The following SPTBN4 variants were observed in gnomAD, a reference collection of about 807,000 sequenced individuals.
SPTBN4 encodes the protein spectrin beta, non-erythrocytic 4, also known as spectrin beta chain, non-erythrocytic 4.
A neutral mutation model predicts 277.8 loss-of-function variants in SPTBN4; 96 were observed. The ratio of observed to expected loss-of-function variants is 0.35; its 90% CI spans 0.29 to 0.41. The LOEUF (loss-of-function observed/expected upper bound fraction) is 0.41, where lower values mean the gene tolerates loss of function less well. SPTBN4 is among the 10% of genes least tolerant of loss of function. SPTBN4 has a pLI of 1.00. For missense variants in SPTBN4, 3,006 were observed against 3,595.7 expected, an observed-to-expected ratio of 0.84 and a Z score of 4.19; for synonymous variants, 1,481 against 1,580.3, an observed-to-expected ratio of 0.94 and a Z score of 1.49.
At position 40,572,185 on chromosome 19, in the gene SPTBN4, A is replaced by G. The variant is rs1568383504; in HGVS notation, c.7486A>G (p.Lys2496Glu). ...CTACAAGAAAAAGAAGCATGTCTTCAAGCTCCAGTGAGCCCCCCAATGGGC... is the reference window on the plus strand; with the variant it reads ...CTACAAGAAAAAGAAGCATGTCTTCGAGCTCCAGTGAGCCCCCCAATGGGC... ...SDYKKKKHVF[K>E]LQTQDGSEFL... Residue 2496 changes from lysine to glutamate, a missense_variant, in exon 34 of 36, where the codon AAG (lysine) becomes GAG (glutamate). Physicochemically the swap from Lys to Glu is moderately conservative, Grantham distance 56. Around this residue, in one of 5 missense-constraint regions of SPTBN4, gnomAD observed 630 missense variants for 677.6 expected, o/e 0.93. Transcript: ENST00000598249. 3.8e-6 allele frequency: 6 copies of G among 1,597,822 alleles called. No homozygotes were observed. The highest frequency in any genetic ancestry group is 1.3e-5 in the African/African-American group (1 of 74,528).
At chr19:40,529,667 CG>C (rs2080640306) in intron 18 of SPTBN4, among the ~76,000 whole-genome samples, 1 of 152,184 alleles carries the variant, frequency 6.6e-6, no homozygotes, top group Non-Finnish European at 1.5e-5. Context: ...TTATTAGTGA[CG>C]GTTCAGGAGA....
intron 2 of SPTBN4, among the ~76,000 whole-genome samples, chr19:40,483,861 G>A (rs1281050740): frequency 6.6e-6 from 1 of 152,116 alleles, no homozygotes; most frequent in Non-Finnish European, 1.5e-5. Context: ...GTGACTTCTC[G>A]AGGTCATCTC....
At chr19:40,544,591 G>A (rs550763911) in intron 20 of SPTBN4, among the ~76,000 whole-genome samples, 1 of 151,730 alleles carries the variant, frequency 6.6e-6, no homozygotes, top group East Asian at 1.9e-4. Flanking sequence ...GGGATTACAG[G>A]TGTCTGCCAT....
chr19:40,567,697 C>A lies in SPTBN4; in HGVS notation c.6371C>A (p.Pro2124Gln). The A allele has an allele frequency of 6.4e-7, 1 of 1,552,250 alleles. No individual in the cohort carries two copies. Among genetic ancestry groups the A allele is most frequent in the South Asian group, 1.2e-5 (1 of 84,528 alleles). The change falls in exon 31 of 36, where the codon CCG becomes CAG. Residue 2124 changes from proline to glutamine, a missense_variant. Coordinates refer to ENST00000598249, the MANE Select transcript of SPTBN4 (RefSeq NM_020971.3). ...ATCAAAGCGGAACAGAGCAAGCAGC[C>A]GCCTACCCCACTGCTGGGGCGCAAG... is the stretch of plus-strand genomic sequence containing the variant. ...EKIKAEQSKQ[P>Q]PTPLLGRKFF...
rs747348819 is a variant in SPTBN4, at chr19:40,513,107, G to A, written c.2318G>A (p.Arg773Gln). ...ARRERRLQEA[R>Q]ALHQFGADLD... ...CGAGAGCGGCGGCTGCAGGAGGCGC[G>A]GGCGCTGCACCAGTTCGGCGCTGAC... The change falls in exon 14 of 36, where the codon CGG becomes CAG. Residue 773 changes from arginine (R) to glutamine (Q), a missense_variant. Physicochemically the swap from Arg to Gln is conservative, Grantham distance 43. This residue lies in a region of SPTBN4 where 1,759 missense variants were observed against 2,061.5 expected (regional missense o/e 0.85). Transcript: ENST00000598249. 7 of 1,439,892 alleles carry A rather than the reference G, an allele frequency of 4.9e-6. No individual in the cohort carries two copies. The South Asian group carries it at 6.9e-5, about 14-fold the overall frequency. 89.2% of individuals were successfully genotyped at this position (1,439,892 alleles called of 1,614,324 possible). A position where few individuals can be genotyped will look rare whatever the true frequency, so the allele number is the denominator to read the frequency against.
chr19:40,524,777 A>C, intron 17 of SPTBN4: 1 of 362,640 alleles, frequency 2.8e-6, no homozygotes, highest in Non-Finnish European at 5.5e-6. Flanking sequence ...CATCTCTTGA[A>C]CCTCATTGTT....
At chr19:40,531,461 T>A (rs374956823) in intron 18 of SPTBN4, among the ~76,000 whole-genome samples, 1,981 of 106,228 alleles carry the variant, frequency 0.019, 53 homozygotes, top group African/African-American at 0.073. Flanking sequence ...GAGTCCAGTG[T>A]TTGTTTTTTT....
chr19:40,551,399 T>TCA (rs71173651), intron 22 of SPTBN4, among the ~76,000 whole-genome samples: 1,680 of 140,570 alleles, frequency 0.012, 25 homozygotes, highest in Middle Eastern at 0.033. Flanking sequence ...TCTCTCTCTC[T>TCA]CACACACACA....
rs764530043 is a variant in SPTBN4 at position 40,568,067 on chromosome 19, G to A, written c.6741G>A (p.Arg2247=). 6.4e-7 allele frequency: 1 copy of A among 1,559,326 alleles called. No homozygotes were observed. Among genetic ancestry groups the A allele is most frequent in the South Asian group, 1.2e-5 (1 of 84,674 alleles). Residue 2247 remains arginine (R), a synonymous_variant, in exon 31 of 36, where the codon CGG becomes CGA. Coordinates refer to ENST00000598249, the MANE Select transcript of SPTBN4 (RefSeq NM_020971.3). ...GCGCGGAGGAGCTGCCCAGGAGGCG[G>A]CGGCCTGAGCGGCAAGAGTCAGTCG... The part of the protein sequence containing the change: ...ADRAEELPRR[R]RPERQESVDQ...
chr19:40,495,310 G>A (rs2080184186), intron 6 of SPTBN4, among the ~76,000 whole-genome samples: 2 of 152,080 alleles, frequency 1.3e-5, no homozygotes, highest in African/African-American at 2.4e-5. Flanking sequence ...CCCTGTCACT[G>A]TCATGCTGCT....
chr19:40,568,137 G>A lies in SPTBN4; in HGVS notation c.6811G>A (p.Glu2271Lys), dbSNP rs1251845751. 2 of 1,577,184 alleles carry A rather than the reference G, an allele frequency of 1.3e-6. No individual in the cohort carries two copies. The highest frequency in any genetic ancestry group is 8.6e-7 in the Non-Finnish European group (1 of 1,162,212). The change falls in exon 31 of 36, where the codon GAG becomes AAG. Residue 2271 changes from glutamate to lysine, a missense_variant. Transcript: ENST00000598249. ...AARRRRPERQ[E>K]SAEHEAAHSL... is the part of the protein sequence containing the mutation. ...GCGGAGGCGGCGGCCGGAGCGGCAG[G>A]AGTCAGCGGAGCACGAGGCGGCACA...
chr19:40,554,258 C>A lies in SPTBN4; in HGVS notation c.4786C>A (p.Leu1596Met). The A allele has an allele frequency of 6.5e-7, 1 of 1,531,694 alleles. No homozygotes were observed. Among genetic ancestry groups the A allele is most frequent in the Non-Finnish European group, 8.7e-7 (1 of 1,145,734 alleles). The allele number at this position is 1,531,694 out of a possible 1,614,324, so 94.9% of individuals were successfully genotyped here. The change falls in exon 23 of 36, where the codon CTG (leucine) becomes ATG (methionine). Residue 1596 changes from leucine to methionine, a missense_variant. This residue lies in a region of SPTBN4 where 1,759 missense variants were observed against 2,061.5 expected (regional missense o/e 0.85). Transcript: ENST00000598249. The surrounding 1 kb of genome is among the most constrained non-coding windows in gnomAD (Gnocchi z 5.7). The part of the protein sequence containing the change: ...SPEAEAVRRG[L>M]EQLQSAWAGL... ...GGAGGCAGAGGCAGTGCGCCGGGGC[C>A]TGGAGCAGCTGCAGAGCGCCTGGGC...
In SPTBN4 at chr19:40,502,025, A is replaced by G. The variant is rs915890901; in HGVS notation, c.889A>G (p.Ile297Val). ...GGCTCTGGCTGTGGAGGGGAAGCGT[A>G]TCGGGAAGGTATAAGGAGCCAAGGA... is the stretch of plus-strand genomic sequence containing the variant. ...MKALAVEGKR[I>V]GKVLDQVLEV... The change falls in exon 8 of 36, where the codon ATC becomes GTC. Residue 297 changes from isoleucine to valine, a missense_variant. Physicochemically the swap from Ile to Val is conservative, Grantham distance 29. Coordinates refer to ENST00000598249, the MANE Select transcript of SPTBN4 (RefSeq NM_020971.3). This position sits in a 1 kb window ranked among gnomAD's most constrained non-coding sequence, Gnocchi z 4.9. 4 of 1,614,182 alleles carry G rather than the reference A, an allele frequency of 2.5e-6. No individual in the cohort carries two copies. Among genetic ancestry groups the G allele is most frequent in the Admixed American group, 1.7e-5 (1 of 60,018 alleles).
Position 40,502,519 on chromosome 19 carries a change from G to T in SPTBN4, c.1203+12G>T. On this transcript the variant is annotated intron_variant, in intron 10 of 35. Transcript: ENST00000598249. The surrounding 1 kb of genome is among the most constrained non-coding windows in gnomAD (Gnocchi z 4.9). Reference sequence around the variant, plus strand: ...GGGATATTGACAAGGTGAGGCCGGGGATGCAGGGGAGAGGCGGGGTTGCAC... The same window carrying T: ...GGGATATTGACAAGGTGAGGCCGGGTATGCAGGGGAGAGGCGGGGTTGCAC... 6.2e-7 allele frequency: 1 copy of T among 1,605,970 alleles called. No individual in the cohort carries two copies. The highest frequency in any genetic ancestry group is 1.1e-5 in the South Asian group (1 of 89,952).
In SPTBN4 at chr19:40,504,086, T is replaced by C; in HGVS notation, c.1619T>C (p.Val540Ala). 15 of 1,585,006 alleles carry C rather than the reference T, an allele frequency of 9.5e-6. No individual in the cohort carries two copies. The highest frequency in any genetic ancestry group is 1.4e-5 in the African/African-American group (1 of 70,358). ...RLEQNLALQKVFQEMVYMVDW... is the reference protein window; with the variant it reads ...RLEQNLALQKAFQEMVYMVDW... ...GAGCAGAACCTTGCCCTGCAGAAGG[T>C]CTTCCAGGAGATGGTGTACATGGTG... Residue 540 changes from valine to alanine, a missense_variant, in exon 12 of 36, where the codon GTC (valine) becomes GCC (alanine). Val to Ala is a moderately conservative substitution (Grantham distance 64). This residue lies in a region of SPTBN4 where 1,759 missense variants were observed against 2,061.5 expected (regional missense o/e 0.85). Transcript: ENST00000598249.
At position 40,560,330 on chromosome 19, in the gene SPTBN4, C is replaced by G; in HGVS notation, c.5842C>G (p.His1948Asp). Residue 1948 changes from histidine (H) to aspartate (D), a missense_variant, in exon 27 of 36, where the codon CAC (histidine) becomes GAC (aspartate). Physicochemically the swap from His to Asp is moderately conservative, Grantham distance 81. Transcript: ENST00000598249. This position sits in a 1 kb window ranked among gnomAD's most constrained non-coding sequence, Gnocchi z 5.2. ...VSSTADALRF[H>D]SQVRDLLSWM... ...CTCCACAGCCGACGCCCTGCGCTTC[C>G]ACAGCCAAGTCCGCGACCTGCTCTC... is the stretch of plus-strand genomic sequence containing the variant. The G allele has an allele frequency of 6.2e-7, 1 of 1,614,158 alleles. No homozygotes were observed. The highest frequency in any genetic ancestry group is 8.5e-7 in the Non-Finnish European group (1 of 1,180,032).
chr19:40,571,962 A>C, intron 33 of SPTBN4, 57 bp from the exon 34 acceptor site: 1 of 1,486,672 alleles, frequency 6.7e-7, no homozygotes, highest in Non-Finnish European at 9.0e-7. Context: ...GATGTTAATG[A>C]AGAGTTATTA....
At position 40,549,318 on chromosome 19, in the gene SPTBN4, C is replaced by G; in HGVS notation, c.4489C>G (p.Leu1497Val). ...GCGGCAGAACGCGGTGGGCGAGCGC[C>G]TGGTGCGCCTGCTCGAGCCGTTGCA... is the stretch of plus-strand genomic sequence containing the variant. Reference protein sequence around the residue: ...GERQNAVGERLVRLLEPLQER... With the variant: ...GERQNAVGERVVRLLEPLQER... The change falls in exon 21 of 36, where the codon CTG (leucine) becomes GTG (valine). Residue 1497 changes from leucine (L) to valine (V), a missense_variant. Physicochemically the swap from Leu to Val is conservative, Grantham distance 32 (BLOSUM62 1). Transcript: ENST00000598249. The G allele has an allele frequency of 6.5e-7, 1 of 1,539,058 alleles. No individual in the cohort carries two copies. Among genetic ancestry groups the G allele is most frequent in the Non-Finnish European group, 8.7e-7 (1 of 1,145,702 alleles).
At chr19:40,552,892 A>C (rs2080934460) in intron 22 of SPTBN4, among the ~76,000 whole-genome samples, 1 of 152,158 alleles carries the variant, frequency 6.6e-6, no homozygotes, top group Admixed American at 6.6e-5. Context: ...AGGGGCTGTT[A>C]AGCCAAAAAT....
Sources: allele counts gnomAD v4.1 joint callset (sites outside exome capture counted in the v4.1 genomes callset), GRCh38; gene constraint gnomAD v4.1.1; regional missense constraint gnomAD v4.1.1; non-coding constraint Gnocchi (gnomAD v3.1); transcripts MANE v1.5; gene names NCBI Gene and HGNC (gene_info 2026-07-23, HGNC 2026-07-21).